The following ZNF540 variants were observed in gnomAD, a reference collection of about 807,000 sequenced individuals.
ZNF540 encodes the protein zinc finger protein 540.
ZNF540 carries 3 observed loss-of-function variants against 11.8 expected under a neutral mutation model. That is an observed-to-expected ratio of 0.25 (90% CI 0.12 to 0.65). ZNF540 has a LOEUF of 0.65. Ranked by LOEUF, ZNF540 falls within the 30% of genes least tolerant of loss-of-function variation. The probability of loss-of-function intolerance (pLI) is 0.83; values close to 1 mark genes in which losing one functional copy is unlikely to be tolerated. For missense variants in ZNF540, 709 were observed against 793.1 expected, an observed-to-expected ratio of 0.89 and a Z score of 1.27; for synonymous variants, 247 against 259.0, an observed-to-expected ratio of 0.95 and a Z score of 0.45.
intron 4 of ZNF540, among the ~76,000 whole-genome samples, chr19:37,603,194 A>G (rs1188246281): frequency 6.6e-6 from 1 of 151,926 alleles, no homozygotes; most frequent in Non-Finnish European, 1.5e-5. Context: ...TTTAGTAGAA[A>G]CGGGGTCTCA....
At chr19:37,599,549 A>G in intron 2 of ZNF540, 77 bp from the exon 3 acceptor site, 1 of 1,585,490 alleles carries the variant, frequency 6.3e-7, no homozygotes, top group Non-Finnish European at 8.6e-7. Context: ...CTGCAATGAA[A>G]CCTTTTATCT....
At chr19:37,557,773 C>G (rs1283566238) in intron 1 of ZNF540, among the ~76,000 whole-genome samples, 1 of 152,194 alleles carries the variant, frequency 6.6e-6, no homozygotes, top group African/African-American at 2.4e-5. Context: ...GAGCATTTGA[C>G]ATCCATTCGC....
Position 37,611,690 on chromosome 19 carries a change from GATCT to G in ZNF540, c.414_417del (p.Ile139ValfsTer21). ...GAGGGTCAACAGGGACTTAAAGAAAGATCTATCAGTCAAAAGAAAATCGTCTCTA... is the reference window on the plus strand; with the variant it reads ...GAGGGTCAACAGGGACTTAAAGAAAGATCAGTCAAAAGAAAATCGTCTCTA... On this transcript the variant is annotated frameshift_variant, in exon 5 of 5. Coordinates refer to ENST00000316433, the MANE Select transcript of ZNF540 (RefSeq NM_001172225.3). LOFTEE classifies it low-confidence loss of function (END_TRUNC). 4 of 1,613,850 alleles carry G rather than the reference GATCT, an allele frequency of 2.5e-6. No homozygotes were observed. Among genetic ancestry groups the G allele is most frequent in the Admixed American group, 1.7e-5 (1 of 59,990 alleles).
At chr19:37,600,396 TA>T (rs1474856638) in intron 3 of ZNF540, among the ~76,000 whole-genome samples, 1 of 152,094 alleles carries the variant, frequency 6.6e-6, no homozygotes, top group Admixed American at 6.5e-5. Context: ...TAAAGTAAAA[TA>T]AAATTTATTA....
At chr19:37,558,875 C>A (rs1467797895) in intron 1 of ZNF540, among the ~76,000 whole-genome samples, 1 of 151,998 alleles carries the variant, frequency 6.6e-6, no homozygotes. Flanking sequence ...GAGAGTGTTT[C>A]ACTCTGTCAC....
chr19:37,598,403 G>C lies in ZNF540; in HGVS notation c.-45G>C, dbSNP rs78974438. 2.5e-3 allele frequency: 4,046 copies of C among 1,611,894 alleles called. 92 individuals are homozygous for C. The African/African-American group carries it at 0.047, about 19-fold the overall frequency. On this transcript the variant is annotated 5_prime_UTR_variant, in exon 2 of 5. Coordinates refer to ENST00000316433, the MANE Select transcript of ZNF540 (RefSeq NM_001172225.3). ...TTCTCAGAACTTTGCTTCTCCAGCAGAATAATCCTGCGGAAGACTGAGCAG... is the reference window on the plus strand; with the variant it reads ...TTCTCAGAACTTTGCTTCTCCAGCACAATAATCCTGCGGAAGACTGAGCAG...
chr19:37,596,589 C>T (rs1011221303), intron 1 of ZNF540, among the ~76,000 whole-genome samples: 8 of 152,034 alleles, frequency 5.3e-5, no homozygotes, highest in African/African-American at 1.9e-4. Context: ...TAGCTTTTTC[C>T]ATTTTAAAAT....
chr19:37,612,105 A>G lies in ZNF540; in HGVS notation c.825A>G (p.Lys275=), dbSNP rs575256987. 51 of 1,611,806 alleles carry G rather than the reference A, an allele frequency of 3.2e-5. No homozygotes were observed. The highest frequency in any genetic ancestry group is 3.3e-5 in the Non-Finnish European group (39 of 1,179,696). ...HTGKKPYMCK[K]CDKGFFSRLE... ...GTAAAAAACCCTATATGTGTAAGAA[A>G]TGTGATAAGGGTTTTTTTAGTAGAT... The change falls in exon 5 of 5, where the codon AAA becomes AAG. Residue 275 remains lysine, a synonymous_variant. Coordinates refer to ENST00000316433, the MANE Select transcript of ZNF540 (RefSeq NM_001172225.3).
At chr19:37,599,544 A>G in intron 2 of ZNF540, 82 bp from the exon 3 acceptor site, 4 of 1,572,926 alleles carry the variant, frequency 2.5e-6, no homozygotes, top group East Asian at 4.5e-5. Context: ...CCTTGCTGCA[A>G]TGAAACCTTT....
At chr19:37,577,231 C>T (rs945783062) in intron 1 of ZNF540, among the ~76,000 whole-genome samples, 1 of 151,992 alleles carries the variant, frequency 6.6e-6, no homozygotes, top group African/African-American at 2.4e-5. Context: ...TCAATATATC[C>T]AAATTTATAA....
chr19:37,603,838 A>G (rs2044059674), intron 4 of ZNF540, among the ~76,000 whole-genome samples: 2 of 152,196 alleles, frequency 1.3e-5, no homozygotes, highest in South Asian at 4.1e-4. Context: ...TAAGTTCTAT[A>G]TAGTATGTTG....
At chr19:37,592,676 G>C (rs2043901670), upstream of ZNF540, among the ~76,000 whole-genome samples, 1 of 152,198 alleles carries the variant, frequency 6.6e-6, no homozygotes, top group South Asian at 2.1e-4. Flanking sequence ...GTAATAGGAA[G>C]TACACAGCAC....
intron 1 of ZNF540, chr19:37,575,410 T>A (rs2043209837): frequency 6.6e-6 from 1 of 152,238 alleles, no homozygotes; most frequent in Admixed American, 6.5e-5. Flanking sequence ...TACTGTTCAA[T>A]ACATTAAATC....
upstream of ZNF540, among the ~76,000 whole-genome samples, chr19:37,590,616 T>C (rs2043841822): frequency 2.0e-5 from 3 of 152,190 alleles, no homozygotes; most frequent in East Asian, 3.8e-4. Context: ...TGAAAATTAC[T>C]ATCAGGTAGT....
At chr19:37,605,268 C>A (rs1205956406) in intron 4 of ZNF540, among the ~76,000 whole-genome samples, 1 of 151,934 alleles carries the variant, frequency 6.6e-6, no homozygotes, top group Non-Finnish European at 1.5e-5. Context: ...CAAGACCAAC[C>A]TGGGCAACAT....
rs779706755 is a variant in ZNF540 at position 37,611,604 on chromosome 19, T to C, written c.324T>C (p.Ser108=). 1.5e-5 allele frequency: 25 copies of C among 1,613,736 alleles called. No homozygotes were observed. The highest frequency in any genetic ancestry group is 2.0e-5 in the Non-Finnish European group (24 of 1,179,894). ...SLSKESIIEK[S]KTLRLKGSIF... ...CCAAAGAGAGTATAATAGAAAAAAGTAAAACTCTTCGTCTGAAAGGATCCA... is the reference window on the plus strand; with the variant it reads ...CCAAAGAGAGTATAATAGAAAAAAGCAAAACTCTTCGTCTGAAAGGATCCA... Residue 108 remains serine (S), a synonymous_variant, in exon 5 of 5, where the codon AGT becomes AGC. Coordinates refer to ENST00000316433, the MANE Select transcript of ZNF540 (RefSeq NM_001172225.3).
At chr19:37,585,263 A>C (rs981928058) in intron 1 of ZNF540, 12 of 152,278 alleles carry the variant, frequency 7.9e-5, no homozygotes, top group South Asian at 2.1e-4. Flanking sequence ...CTAATCCCTG[A>C]AACAGTAACA....
intron 1 of ZNF540, chr19:37,551,811 A>G (rs1014816753): frequency 1.6e-5 from 2 of 125,708 alleles, no homozygotes; most frequent in African/African-American, 3.1e-5. Context: ...GTTTCTGTGC[A>G]AGTGTTGCAT....
At chr19:37,604,719 A>T (rs2044070075) in intron 4 of ZNF540, among the ~76,000 whole-genome samples, 1 of 152,168 alleles carries the variant, frequency 6.6e-6, no homozygotes, top group African/African-American at 2.4e-5. Context: ...TCTTGTAATC[A>T]TCACCACTTC....
Sources: gnomAD v4.1 joint callset for allele counts (sites outside exome capture counted in the v4.1 genomes callset) on GRCh38, gnomAD v4.1.1 for gene constraint, MANE v1.5 for transcripts, NCBI Gene and HGNC (gene_info 2026-07-23, HGNC 2026-07-21) for gene names.